The following LONRF3 variants were observed in gnomAD, a reference collection of about 807,000 sequenced individuals.
LONRF3 encodes LON peptidase N-terminal domain and RING finger protein 3.
LONRF3 carries 19 observed loss-of-function variants against 51.7 expected under a neutral mutation model. The ratio of observed to expected loss-of-function variants is 0.37; its 90% CI spans 0.26 to 0.54. The LOEUF (loss-of-function observed/expected upper bound fraction) is 0.54, where lower values mean the gene tolerates loss of function less well. Among genes scored for constraint, LONRF3 ranks in the 20% least tolerant of loss-of-function variants. The pLI is 0.86. For missense variants in LONRF3, 521 were observed against 623.9 expected (o/e 0.84, Z 1.76); for synonymous variants, 265 against 257.8 (o/e 1.03, Z -0.27).
chrX:118,985,622 G>A (rs191633697), intron 3 of LONRF3, among the ~76,000 whole-genome samples: 36 of 112,142 alleles, frequency 3.2e-4, no homozygotes, highest in African/African-American at 7.8e-4. Context: ...GAAGCTGGCC[G>A]TCTGGCAGGA....
At position 119,014,234 on chromosome X, in the gene LONRF3, A is replaced by G. The variant is rs768838739; in HGVS notation, c.2002A>G (p.Met668Val). 2.1e-5 allele frequency: 25 copies of G among 1,207,602 alleles called. No homozygotes were observed. Among genetic ancestry groups the G allele is most frequent in the Non-Finnish European group, 2.6e-5 (23 of 893,709 alleles). Reference protein sequence around the residue: ...KVQGEDCAELMGLHNCVYQQA... With the variant: ...KVQGEDCAELVGLHNCVYQQA... ...TCAGGGAGAGGATTGTGCTGAGCTC[A>G]TGGGATTACATAACTGTGTCTATCA... Residue 668 changes from methionine to valine, a missense_variant, in exon 10 of 11, where the codon ATG (methionine) becomes GTG (valine). Physicochemically the swap from Met to Val is conservative, Grantham distance 21. Coordinates refer to ENST00000371628, the MANE Select transcript of LONRF3 (RefSeq NM_001031855.3).
At chrX:118,989,789 C>G in intron 4 of LONRF3, 117 bp downstream of exon 4, 2 of 752,120 alleles carry the variant, frequency 2.7e-6, no homozygotes, top group Non-Finnish European at 3.8e-6. Context: ...GGGCCCAGCT[C>G]TGGCATTTAC....
intron 6 of LONRF3, 133 bp downstream of exon 6, chrX:119,006,368 C>A: frequency 3.0e-6 from 1 of 331,897 alleles, no homozygotes; most frequent in Non-Finnish European, 5.5e-6. Flanking sequence ...GGGCACATTA[C>A]TCCCTCAAAC....
intron 6 of LONRF3, among the ~76,000 whole-genome samples, chrX:119,006,781 G>C (rs1238496118): frequency 5.4e-5 from 6 of 111,122 alleles, no homozygotes; most frequent in African/African-American, 2.0e-4. Context: ...GTAGAGACGG[G>C]GTTTCACCGT....
chrX:118,993,235 C>T (rs1178564975), intron 5 of LONRF3, among the ~76,000 whole-genome samples: 2 of 111,378 alleles, frequency 1.8e-5, no homozygotes, highest in African/African-American at 6.5e-5. Flanking sequence ...CAGGGGGATA[C>T]CAGAGAAAGG....
In LONRF3 at chrX:119,006,168, TA is replaced by T; in HGVS notation, c.1467del (p.Lys489AsnfsTer3). 1 of 1,199,696 alleles carries T rather than the reference TA, an allele frequency of 8.3e-7. No individual in the cohort carries two copies. The highest frequency in any genetic ancestry group is 1.1e-6 in the Non-Finnish European group (1 of 886,763). The stretch of plus-strand genomic sequence containing the variant: ...ACACCTTGCGGGCATACTTTTTGCT[TA>T]AAATGCCTAGAAAGATGCCTAGATC... ...VTTPCGHTFC[L>X]KCLERCLDHN... is the part of the protein sequence containing the mutation. On this transcript the variant is annotated frameshift_variant, in exon 6 of 11. Transcript: ENST00000371628. LOFTEE classifies it high-confidence loss of function.
At chrX:119,001,960 T>C (rs1455862) in intron 5 of LONRF3, among the ~76,000 whole-genome samples, 40,937 of 111,474 alleles carry the variant, frequency 0.37, 5,553 homozygotes, top group Middle Eastern at 0.45. Context: ...TCATCATTAG[T>C]ACCATCAAAT....
At chrX:118,982,660 TA>T (rs2147269809) in intron 2 of LONRF3, among the ~76,000 whole-genome samples, 160 bp from the exon 3 acceptor site, 1 of 112,202 alleles carries the variant, frequency 8.9e-6, no homozygotes, top group African/African-American at 3.2e-5. Flanking sequence ...TTGTCTTCTT[TA>T]TAATGGCATT....
At chrX:119,004,499 G>A (rs1362300956) in intron 5 of LONRF3, among the ~76,000 whole-genome samples, 2 of 112,551 alleles carry the variant, frequency 1.8e-5, no homozygotes, top group African/African-American at 6.5e-5. Flanking sequence ...ATGGGATTGT[G>A]TAACACAGTG....
chrX:119,014,508 G>A (rs1013944187), intron 10 of LONRF3, 152 bp downstream of exon 10: 8 of 531,754 alleles, frequency 1.5e-5, no homozygotes, highest in African/African-American at 1.4e-4. Flanking sequence ...CACAGTGAGC[G>A]TCATGAGTAA....
chrX:118,975,063 G>A lies in LONRF3; in HGVS notation c.283G>A (p.Glu95Lys). 2 of 1,174,488 alleles carry A rather than the reference G, an allele frequency of 1.7e-6. No homozygotes were observed. The highest frequency in any genetic ancestry group is 1.8e-5 in the African/African-American group (1 of 56,920). The change falls in exon 1 of 11, where the codon GAG becomes AAG. Residue 95 changes from glutamate (E) to lysine (K), a missense_variant. Glu to Lys is a moderately conservative substitution (Grantham distance 56). Around this residue, in one of 2 missense-constraint regions of LONRF3, gnomAD observed 376 missense variants for 376.7 expected, o/e 1.00. Transcript: ENST00000371628. The stretch of plus-strand genomic sequence containing the variant: ...CCTCGAGGTGTATAGACAGCTCTCC[G>A]AGCGGCAGCAGCTGGTGGCTGAGCA... ...EALEVYRQLS[E>K]RQQLVAEQLE...
At chrX:119,006,263 T>C (rs757809061) in intron 6 of LONRF3, 28 bp downstream of exon 6, 2 of 1,019,343 alleles carry the variant, frequency 2.0e-6, no homozygotes, top group South Asian at 2.1e-5. Context: ...TCTTGTTTGG[T>C]TTAAATCAGT....
chrX:118,998,567 C>T (rs1924041659), intron 5 of LONRF3, among the ~76,000 whole-genome samples: 1 of 111,676 alleles, frequency 9.0e-6, no homozygotes, highest in African/African-American at 3.3e-5. Context: ...AGAACCTACT[C>T]ATGTAACCAA....
In LONRF3 at chrX:119,017,568, A is replaced by G. The variant is rs1349966505; in HGVS notation, c.2158A>G (p.Met720Val). ...NPNGPAWCWWMLAVLPLESRA... is the reference protein window; with the variant it reads ...NPNGPAWCWWVLAVLPLESRA... The stretch of plus-strand genomic sequence containing the variant: ...GAATGGCCCAGCCTGGTGCTGGTGG[A>G]TGTTAGCAGTTCTTCCCTTGGAAAG... Residue 720 changes from methionine (M) to valine (V), a missense_variant, in exon 11 of 11, where the codon ATG becomes GTG. Met to Val is a conservative substitution (Grantham distance 21, BLOSUM62 1). This residue lies in a region of LONRF3 where 145 missense variants were observed against 247.2 expected (regional missense o/e 0.59). Coordinates refer to ENST00000371628, the MANE Select transcript of LONRF3 (RefSeq NM_001031855.3). 1.7e-6 allele frequency: 2 copies of G among 1,208,865 alleles called. No homozygotes were observed. Among genetic ancestry groups the G allele is most frequent in the African/African-American group, 3.5e-5 (2 of 57,010 alleles).
In LONRF3 at chrX:119,013,069, C is replaced by A. The variant is rs866538406; in HGVS notation, c.1842C>A (p.Ile614=). The change falls in exon 9 of 11, where the codon ATC becomes ATA. Residue 614 remains isoleucine (I), a synonymous_variant. Transcript: ENST00000371628. ...CAGAATATGGCTGCATCCTAGAGAT[C>A]AGAAATGTTCAATTCTTTGCTGATG... ...GFAEYGCILE[I]RNVQFFADGR... 8.3e-7 allele frequency: 1 copy of A among 1,211,730 alleles called. No individual in the cohort carries two copies. Among genetic ancestry groups the A allele is most frequent in the Non-Finnish European group, 1.1e-6 (1 of 895,434 alleles).
chrX:119,016,440 C>T (rs1486800724), intron 10 of LONRF3, among the ~76,000 whole-genome samples: 1 of 107,131 alleles, frequency 9.3e-6, no homozygotes. Flanking sequence ...CTCCGCCTCC[C>T]AGGTTCACGC....
rs186063807 is a variant in LONRF3, at chrX:118,978,094, G to A, written c.818-251G>A. ...GTGTCTAATGCACCACTGACACCAC[G>A]GGGCCTCTAATGAACCACTTGTGAG... On this transcript the variant is annotated intron_variant, in intron 1 of 10. Transcript: ENST00000371628. Among the ~76,000 whole-genome samples, 173 of 111,236 alleles carry A rather than the reference G, an allele frequency of 1.6e-3. 1 individual carries two copies. The Middle Eastern group carries it at 0.018, about 12-fold the overall frequency.
At chrX:119,015,676 C>G (rs543843451) in intron 10 of LONRF3, among the ~76,000 whole-genome samples, 1 of 112,249 alleles carries the variant, frequency 8.9e-6, no homozygotes, top group African/African-American at 3.2e-5. Context: ...GCAATGGTAA[C>G]GGGAAAACAC....
chrX:119,007,567 T>C (rs1444984767), intron 6 of LONRF3, among the ~76,000 whole-genome samples: 1 of 112,524 alleles, frequency 8.9e-6, no homozygotes, highest in Non-Finnish European at 1.9e-5. Context: ...TCGGTGTTAA[T>C]GTTCCTTGAC....
Sources: gnomAD v4.1 joint callset for allele counts (sites outside exome capture counted in the v4.1 genomes callset) on GRCh38, gnomAD v4.1.1 for gene constraint, gnomAD v4.1.1 regional missense constraint, MANE v1.5 for transcripts, NCBI Gene and HGNC (gene_info 2026-07-23, HGNC 2026-07-21) for gene names.